Variants in CDKAL1 observed in about 807,000 individuals in gnomAD.
The protein encoded by CDKAL1 is threonylcarbamoyladenosine tRNA methylthiotransferase.
In CDKAL1, 32 loss-of-function variants were observed where a neutral mutation model predicts 68.2. That is an observed-to-expected ratio of 0.47 (90% CI 0.35 to 0.63). CDKAL1 has a LOEUF of 0.63. Ranked by LOEUF, CDKAL1 falls within the 30% of genes least tolerant of loss-of-function variation. The pLI is 0.00. For synonymous variants in CDKAL1, 234 were observed against 244.3 expected (o/e 0.96, Z 0.39); for missense variants, 606 against 696.7 (o/e 0.87, Z 1.47).
At chr6:20,613,294 A>G (rs1335236896) in intron 4 of CDKAL1, among the ~76,000 whole-genome samples, 1 of 50,098 alleles carries the variant, frequency 2.0e-5, no homozygotes, top group African/African-American at 6.3e-5. Context: ...TTTTTTTTTG[A>G]GACGGAGTCT....
chr6:21,097,291 G>A (rs996536378), intron 12 of CDKAL1, among the ~76,000 whole-genome samples: 2 of 152,136 alleles, frequency 1.3e-5, no homozygotes, highest in Non-Finnish European at 2.9e-5. Context: ...CCAACAGGGT[G>A]AAACCCCGTC....
intron 13 of CDKAL1, among the ~76,000 whole-genome samples, chr6:21,175,300 G>C (rs1777535405): frequency 6.6e-6 from 1 of 152,160 alleles, no homozygotes; most frequent in African/African-American, 2.4e-5. Context: ...CACTTACCTA[G>C]ACAAGGATGA....
rs556263006 is a variant in CDKAL1 at position 20,654,680 on chromosome 6, A to G, written c.371+5303A>G. On this transcript the variant is annotated intron_variant, in intron 5 of 15. Coordinates refer to ENST00000274695, the MANE Select transcript of CDKAL1 (RefSeq NM_017774.3). ...TTATGTCTTTCTCTGTAGATAACCAATTGTTTCAGTATCATTTATTTATTT... is the reference window on the plus strand; with the variant it reads ...TTATGTCTTTCTCTGTAGATAACCAGTTGTTTCAGTATCATTTATTTATTT... Among the ~76,000 whole-genome samples the G allele has an allele frequency of 7.2e-5, 11 of 152,196 alleles. 1 individual carries two copies. In the Middle Eastern group the frequency reaches 0.017, roughly 235 times the overall value.
At chr6:20,602,107 C>CT (rs1766126592) in intron 4 of CDKAL1, among the ~76,000 whole-genome samples, 2 of 152,146 alleles carry the variant, frequency 1.3e-5, no homozygotes, top group Admixed American at 6.5e-5. Flanking sequence ...ACAGAGTTCT[C>CT]TGAGGTAGAT....
chr6:21,032,039 A>G (rs1001704965), intron 11 of CDKAL1, among the ~76,000 whole-genome samples: 2 of 152,032 alleles, frequency 1.3e-5, no homozygotes, highest in South Asian at 2.1e-4. Flanking sequence ...TGCACGTCCT[A>G]TCTTTCTCAG....
intron 15 of CDKAL1, among the ~76,000 whole-genome samples, chr6:21,203,842 G>A (rs569802471): frequency 1.4e-3 from 213 of 151,774 alleles, no homozygotes; most frequent in African/African-American, 2.8e-3. Flanking sequence ...GATTACAGGC[G>A]TGCGCCACCA....
At chr6:20,860,963 G>C (rs375686370) in intron 9 of CDKAL1, among the ~76,000 whole-genome samples, 1 of 138,704 alleles carries the variant, frequency 7.2e-6, no homozygotes, top group African/African-American at 2.7e-5. Context: ...TAGAGAAAGC[G>C]TAAGCGTAAA....
chr6:20,988,848 C>T (rs372213156), intron 10 of CDKAL1, among the ~76,000 whole-genome samples: 24 of 145,616 alleles, frequency 1.6e-4, no homozygotes, highest in East Asian at 1.0e-3. Context: ...TTAGTAGAGA[C>T]GGGGTTTCAC....
chr6:20,922,760 T>G (rs1007359471), intron 9 of CDKAL1, among the ~76,000 whole-genome samples: 4 of 152,210 alleles, frequency 2.6e-5, no homozygotes, highest in African/African-American at 9.6e-5. Context: ...AACCCATCAC[T>G]TGGGAAGCTT....
At chr6:20,607,592 T>C (rs1766388004) in intron 4 of CDKAL1, among the ~76,000 whole-genome samples, 1 of 152,196 alleles carries the variant, frequency 6.6e-6, no homozygotes. Flanking sequence ...TTTATAGGAA[T>C]AGAATACAGT....
chr6:20,600,789 C>CACACATATATATATATATATATAT (rs1766060485), intron 4 of CDKAL1, among the ~76,000 whole-genome samples: 1 of 130,480 alleles, frequency 7.7e-6, no homozygotes, highest in Admixed American at 7.9e-5. Flanking sequence ...TATATATATA[C>CACACATATATATATATATATATAT]ACACACACAC....
chr6:20,599,312 A>T (rs1765980028), intron 4 of CDKAL1: 13 of 447,836 alleles, frequency 2.9e-5, no homozygotes, highest in South Asian at 2.1e-4. Flanking sequence ...TAAAGAATAA[A>T]GTTGCATTAT....
Position 21,230,869 on chromosome 6 carries a change from A to G in CDKAL1, c.1570A>G (p.Asn524Asp), listed in dbSNP as rs747093009. The change falls in exon 16 of 16, where the codon AAC (asparagine) becomes GAC (aspartate). Residue 524 changes from asparagine (N) to aspartate (D), a missense_variant. Physicochemically the swap from Asn to Asp is conservative, Grantham distance 23 (BLOSUM62 1). Coordinates refer to ENST00000274695, the MANE Select transcript of CDKAL1 (RefSeq NM_017774.3). Reference sequence around the variant, plus strand: ...ATAGGACTTCAGAAATGGGCTTGGGAACCAGCTGAGTTCAGGATCCCACAC... The same window carrying G: ...ATAGGACTTCAGAAATGGGCTTGGGGACCAGCTGAGTTCAGGATCCCACAC... Reference protein sequence around the residue: ...LTKDFRNGLGNQLSSGSHTSA... With the variant: ...LTKDFRNGLGDQLSSGSHTSA... 57 of 1,608,392 alleles carry G rather than the reference A, an allele frequency of 3.5e-5. No individual in the cohort carries two copies. Among genetic ancestry groups the G allele is most frequent in the Non-Finnish European group, 4.3e-5 (51 of 1,176,648 alleles).
At chr6:20,616,866 C>CACACACAT (rs1322155754) in intron 4 of CDKAL1, among the ~76,000 whole-genome samples, 2 of 150,900 alleles carry the variant, frequency 1.3e-5, no homozygotes, top group African/African-American at 2.4e-5. Flanking sequence ...CACACACACA[C>CACACACAT]ACACACACAC....
chr6:21,021,234 A>T (rs990958336), intron 11 of CDKAL1, among the ~76,000 whole-genome samples: 2 of 152,214 alleles, frequency 1.3e-5, no homozygotes, highest in African/African-American at 2.4e-5. Context: ...TTTCTGTAAA[A>T]ATGAGGATAA....
chr6:20,682,957 T>C (rs949650767), intron 5 of CDKAL1, among the ~76,000 whole-genome samples: 11 of 150,134 alleles, frequency 7.3e-5, no homozygotes, highest in African/African-American at 2.0e-4. Context: ...CTTTCTTTTT[T>C]TTTTTTTTTT....
chr6:20,883,798 A>G (rs1001184786), intron 9 of CDKAL1, among the ~76,000 whole-genome samples: 9 of 152,244 alleles, frequency 5.9e-5, no homozygotes, highest in Non-Finnish European at 7.3e-5. Context: ...ATGTTTTACA[A>G]TAACATGACA....
chr6:21,134,608 C>T (rs1486854268), intron 13 of CDKAL1, among the ~76,000 whole-genome samples: 2 of 152,122 alleles, frequency 1.3e-5, no homozygotes. Context: ...TAACAGTAAT[C>T]AGTCATCGAA....
Position 21,034,706 on chromosome 6 carries a change from G to A in CDKAL1, c.1056-30342G>A, listed in dbSNP as rs148464940. ...TTTAACACATCAAAGACTTGTTCGT[G>A]TGAATATAGGGTTAGTTTAGTACCG... On this transcript the variant is annotated intron_variant, in intron 11 of 15. Coordinates refer to ENST00000274695, the MANE Select transcript of CDKAL1 (RefSeq NM_017774.3). 3.4e-3 allele frequency among the ~76,000 whole-genome samples: 515 copies of A among 152,306 alleles called. 3 individuals carry two copies. Among genetic ancestry groups the A allele is most frequent in the South Asian group, 7.9e-3 (38 of 4,830 alleles).
Sources: gnomAD v4.1 joint callset for allele counts (sites outside exome capture counted in the v4.1 genomes callset) on GRCh38, gnomAD v4.1.1 for gene constraint, MANE v1.5 for transcripts, NCBI Gene and HGNC (gene_info 2026-07-23, HGNC 2026-07-21) for gene names.